FSTL5: variants seen among roughly 807,000 people sequenced by gnomAD.
FSTL5 encodes follistatin-related protein 5.
Under a neutral mutation model 89.1 loss-of-function variants are expected in FSTL5, and 62 were observed. The observed-to-expected ratio is 0.70, with a 90% confidence interval of 0.57 to 0.86. The LOEUF (loss-of-function observed/expected upper bound fraction) is 0.86, where lower values mean the gene tolerates loss of function less well. Ranked by LOEUF, FSTL5 falls within the 40% of genes least tolerant of loss-of-function variation. The probability of loss-of-function intolerance (pLI) is 0.00; values close to 1 mark genes in which losing one functional copy is unlikely to be tolerated. For missense variants in FSTL5, 1,057 were observed against 1,001.6 expected (o/e 1.06, Z -0.75); for synonymous variants, 383 against 346.2 (o/e 1.11, Z -1.18).
rs547231222 is a variant in FSTL5, at chr4:161,384,399, T to G, written c.*1348A>C. On this transcript the variant is annotated 3_prime_UTR_variant, in exon 16 of 16. Coordinates refer to ENST00000306100, the MANE Select transcript of FSTL5 (RefSeq NM_020116.5). The stretch of plus-strand genomic sequence containing the variant: ...AAGCTATTACTTTAAGCCTGGATAA[T>G]TATCTGCTTATTTTAATAAACCAGC... 1 of 152,274 alleles carries G rather than the reference T, an allele frequency of 6.6e-6. No individual in the cohort carries two copies. Among genetic ancestry groups the G allele is most frequent in the African/African-American group, 2.4e-5 (1 of 41,574 alleles). 9.4% of individuals were successfully genotyped at this position (152,274 alleles called of 1,614,324 possible). A position where few individuals can be genotyped will look rare whatever the true frequency, so the allele number is the denominator to read the frequency against.
At chr4:161,564,777 T>C (rs1732740640) in intron 8 of FSTL5, among the ~76,000 whole-genome samples, 1 of 151,730 alleles carries the variant, frequency 6.6e-6, no homozygotes, top group South Asian at 2.1e-4. Context: ...AGATGCCTAT[T>C]GCGGGTGTCA....
intron 8 of FSTL5, among the ~76,000 whole-genome samples, chr4:161,567,814 G>C (rs2126581098): frequency 6.7e-6 from 1 of 150,232 alleles, no homozygotes; most frequent in East Asian, 2.0e-4. Context: ...ACACGTCTTT[G>C]ATTCATGTAG....
At chr4:161,445,571 A>T (rs1318098965) in intron 15 of FSTL5, among the ~76,000 whole-genome samples, 1 of 152,012 alleles carries the variant, frequency 6.6e-6, no homozygotes, top group Non-Finnish European at 1.5e-5. Flanking sequence ...AATGGTTTTC[A>T]AGTATTTTAA....
At chr4:161,981,951 T>C (rs1201575270) in intron 3 of FSTL5, among the ~76,000 whole-genome samples, 2 of 152,224 alleles carry the variant, frequency 1.3e-5, no homozygotes, top group African/African-American at 4.8e-5. Flanking sequence ...AGTTCTCTTC[T>C]GTTAGGAAGA....
intron 4 of FSTL5, among the ~76,000 whole-genome samples, chr4:161,898,994 G>A (rs1388488982): frequency 3.9e-5 from 6 of 151,996 alleles, no homozygotes; most frequent in African/African-American, 1.5e-4. Context: ...CTTCCTATAG[G>A]TAAGGGCACT....
chr4:161,726,816 T>C (rs564279342), intron 6 of FSTL5, among the ~76,000 whole-genome samples: 1 of 151,808 alleles, frequency 6.6e-6, no homozygotes, highest in Non-Finnish European at 1.5e-5. Flanking sequence ...CTCATAATTT[T>C]TCAGATTAAG....
At chr4:162,029,148 A>G (rs886691848) in intron 3 of FSTL5, among the ~76,000 whole-genome samples, 5 of 54,628 alleles carry the variant, frequency 9.2e-5, no homozygotes, top group African/African-American at 2.7e-4. Flanking sequence ...TACATGAGGG[A>G]GAGAGAGAGA....
At chr4:161,911,928 C>A (rs1311962188) in intron 4 of FSTL5, among the ~76,000 whole-genome samples, 1 of 152,028 alleles carries the variant, frequency 6.6e-6, no homozygotes, top group Non-Finnish European at 1.5e-5. Flanking sequence ...AGGTACAAAG[C>A]TTTTCACTTT....
intron 5 of FSTL5, among the ~76,000 whole-genome samples, chr4:161,762,924 GAC>G (rs1010040073): frequency 2.0e-5 from 3 of 152,108 alleles, no homozygotes; most frequent in African/African-American, 7.2e-5. Context: ...GGGGAGTTCA[GAC>G]ACACAGCATG....
intron 2 of FSTL5, among the ~76,000 whole-genome samples, chr4:162,069,957 C>T (rs1276614015): frequency 4.0e-5 from 6 of 151,754 alleles, no homozygotes; most frequent in Admixed American, 3.9e-4. Context: ...TTTAAAGGAG[C>T]TTCCATAATA....
intron 8 of FSTL5, among the ~76,000 whole-genome samples, chr4:161,549,879 T>G (rs1362262570): frequency 6.6e-6 from 1 of 151,968 alleles, no homozygotes; most frequent in Non-Finnish European, 1.5e-5. Flanking sequence ...TTTTTTAGTG[T>G]CTGGAGGATC....
intron 7 of FSTL5, among the ~76,000 whole-genome samples, chr4:161,624,667 T>C (rs1474404717): frequency 6.6e-6 from 1 of 151,996 alleles, no homozygotes; most frequent in Admixed American, 6.6e-5. Context: ...GAAAACCTTA[T>C]ACTGTTTGAG....
intron 2 of FSTL5, among the ~76,000 whole-genome samples, chr4:162,083,024 G>A (rs555682504): frequency 1.8e-4 from 27 of 151,554 alleles, no homozygotes; most frequent in Non-Finnish European, 3.7e-4. Context: ...CTAAATGAAT[G>A]ATATCAGTAA....
At chr4:162,083,225 C>A (rs1351410257) in intron 2 of FSTL5, among the ~76,000 whole-genome samples, 1 of 151,644 alleles carries the variant, frequency 6.6e-6, no homozygotes, top group Admixed American at 6.6e-5. Flanking sequence ...TGGAAACATG[C>A]AGAGAACATA....
rs1227524598 is a variant in FSTL5, at chr4:161,771,976, A to G, written c.606+3902T>C. Among the ~76,000 whole-genome samples, 6 of 152,296 alleles carry G rather than the reference A, an allele frequency of 3.9e-5. No homozygotes were observed. The East Asian group carries it at 5.8e-4, about 15-fold the overall frequency. ...GGTGGATTGAATGAGATCTATTTCT[A>G]TAACTGGTCAGTTCATTTTAGCAGA... On this transcript the variant is annotated intron_variant, in intron 5 of 15. Coordinates refer to ENST00000306100, the MANE Select transcript of FSTL5 (RefSeq NM_020116.5).
At chr4:161,441,922 G>A (rs1447495428) in intron 15 of FSTL5, among the ~76,000 whole-genome samples, 1 of 151,934 alleles carries the variant, frequency 6.6e-6, no homozygotes, top group East Asian at 1.9e-4. Flanking sequence ...ACTTAACTAG[G>A]GCTATTCGCT....
intron 15 of FSTL5, among the ~76,000 whole-genome samples, chr4:161,433,181 A>G (rs1732439552): frequency 6.6e-6 from 1 of 152,072 alleles, no homozygotes; most frequent in Admixed American, 6.6e-5. Context: ...TCCTCAATGA[A>G]ATATGAGCAA....
intron 4 of FSTL5, among the ~76,000 whole-genome samples, chr4:161,800,825 A>G (rs1352037701): frequency 1.3e-5 from 2 of 151,614 alleles, no homozygotes; most frequent in African/African-American, 4.8e-5. Context: ...CTTTAATATA[A>G]ACAAATATTT....
intron 15 of FSTL5, among the ~76,000 whole-genome samples, chr4:161,428,818 A>T (rs926438795): frequency 1.3e-5 from 2 of 152,102 alleles, no homozygotes; most frequent in African/African-American, 4.8e-5. Context: ...GCCTACAGGG[A>T]GAGACTACTT....
Sources: allele counts gnomAD v4.1 joint callset (sites outside exome capture counted in the v4.1 genomes callset), GRCh38; gene constraint gnomAD v4.1.1; transcripts MANE v1.5; gene names NCBI Gene and HGNC (gene_info 2026-07-23, HGNC 2026-07-21).